Variants in OR9Q1 observed in about 807,000 individuals in gnomAD.
OR9Q1 encodes olfactory receptor 9Q1.
For missense variants in OR9Q1, 374 were observed against 378.8 expected, an observed-to-expected ratio of 0.99 and a Z score of 0.11; for synonymous variants, 153 against 148.6, an observed-to-expected ratio of 1.03 and a Z score of -0.22.
intron 2 of OR9Q1, among the ~76,000 whole-genome samples, chr11:58,127,501 G>T (rs976980787): frequency 2.0e-5 from 3 of 152,158 alleles, no homozygotes; most frequent in African/African-American, 7.2e-5. Context: ...GCCTAGTTCT[G>T]CCTCCAGACA....
At chr11:58,175,752 A>C (rs1854600962) in intron 2 of OR9Q1, among the ~76,000 whole-genome samples, 1 of 149,636 alleles carries the variant, frequency 6.7e-6, no homozygotes, top group Non-Finnish European at 1.5e-5. Context: ...ACATGGTTCC[A>C]TTTTCTCTTG....
intron 2 of OR9Q1, chr11:58,109,553 C>T (rs1161530182): frequency 4.4e-6 from 2 of 457,730 alleles, no homozygotes; most frequent in East Asian, 7.0e-5. Context: ...AGAAAAGTGA[C>T]AAGATAGAAA....
intron 2 of OR9Q1, among the ~76,000 whole-genome samples, chr11:58,166,017 C>T (rs193280793): frequency 8.5e-5 from 13 of 152,304 alleles, no homozygotes; most frequent in South Asian, 6.2e-4. Flanking sequence ...GAGGCAGAGA[C>T]GGTGGGTCAC....
chr11:58,123,123 T>C (rs531388688), intron 2 of OR9Q1, among the ~76,000 whole-genome samples: 2 of 152,332 alleles, frequency 1.3e-5, no homozygotes, highest in South Asian at 4.1e-4. Context: ...ATGAGGAATT[T>C]AAATCTTTGG....
At chr11:58,152,876 G>A (rs1854367733) in intron 2 of OR9Q1, among the ~76,000 whole-genome samples, 1 of 151,776 alleles carries the variant, frequency 6.6e-6, no homozygotes, top group Admixed American at 6.6e-5. Flanking sequence ...TATTTTGCAC[G>A]CATGACAGTG....
chr11:58,101,939 T>C (rs1853787769), intron 2 of OR9Q1, among the ~76,000 whole-genome samples: 1 of 151,996 alleles, frequency 6.6e-6, no homozygotes, highest in Non-Finnish European at 1.5e-5. Flanking sequence ...ACAGACGGGG[T>C]TTCTTCATGT....
chr11:58,130,906 CAT>C (rs1330283174), intron 2 of OR9Q1, among the ~76,000 whole-genome samples: 1 of 151,732 alleles, frequency 6.6e-6, no homozygotes, highest in African/African-American at 2.4e-5. Context: ...TATAATAGGA[CAT>C]AATTATTAAT....
At chr11:58,033,149 TGTTG>T (rs2119918180) in intron 1 of OR9Q1, among the ~76,000 whole-genome samples, 1 of 152,350 alleles carries the variant, frequency 6.6e-6, no homozygotes, top group African/African-American at 2.4e-5. Context: ...GCTTATGCAC[TGTTG>T]GTGAGAGTGC....
chr11:58,073,535 C>T (rs1373251569), intron 2 of OR9Q1: 1 of 153,056 alleles, frequency 6.5e-6, no homozygotes, highest in Non-Finnish European at 1.5e-5. Flanking sequence ...CTTGCAATAC[C>T]TTCAGAAAGA....
At chr11:58,114,410 T>G (rs562674613) in intron 2 of OR9Q1, among the ~76,000 whole-genome samples, 6 of 152,270 alleles carry the variant, frequency 3.9e-5, no homozygotes, top group African/African-American at 1.4e-4. Context: ...CTCCCCTTAG[T>G]GGGGGTTGTG....
chr11:58,072,486 C>T, intron 2 of OR9Q1: 1 of 166,160 alleles, frequency 6.0e-6, no homozygotes, highest in Non-Finnish European at 1.4e-5. Context: ...GATCACTTAG[C>T]AGATGTGAAT....
intron 1 of OR9Q1, among the ~76,000 whole-genome samples, chr11:58,034,731 T>TTTCTTTCCTTCCTTCC (rs1853079165): frequency 6.4e-5 from 2 of 31,358 alleles, no homozygotes; most frequent in Admixed American, 8.2e-4. Flanking sequence ...TTAAGGTTTC[T>TTTCTTTCCTTCCTTCC]TTCTTTCCTT....
chr11:58,139,437 C>T (rs1854222135), intron 2 of OR9Q1, among the ~76,000 whole-genome samples: 2 of 152,000 alleles, frequency 1.3e-5, no homozygotes, highest in South Asian at 4.2e-4. Flanking sequence ...TCCCCGCTCC[C>T]CCCACCCCAC....
chr11:58,034,159 C>T (rs951433032), intron 1 of OR9Q1, among the ~76,000 whole-genome samples: 2 of 146,472 alleles, frequency 1.4e-5, no homozygotes, highest in Non-Finnish European at 3.0e-5. Context: ...GATCTCGGCT[C>T]ACTGCAAGCT....
intron 1 of OR9Q1, among the ~76,000 whole-genome samples, chr11:58,025,123 T>C (rs1049362231): frequency 6.6e-6 from 1 of 152,180 alleles, no homozygotes; most frequent in Admixed American, 6.5e-5. Flanking sequence ...TTGTGGGGAT[T>C]AAGCCAGATG....
chr11:58,069,126 G>A (rs1853462038), intron 2 of OR9Q1, among the ~76,000 whole-genome samples: 1 of 152,070 alleles, frequency 6.6e-6, no homozygotes, highest in Non-Finnish European at 1.5e-5. Context: ...CTTTGTGACT[G>A]TTACTCAAGT....
intron 2 of OR9Q1, among the ~76,000 whole-genome samples, chr11:58,147,606 T>C (rs547738498): frequency 6.6e-5 from 10 of 152,296 alleles, no homozygotes; most frequent in Admixed American, 2.0e-4. Context: ...TGATCTTTGA[T>C]ACATCCCCAG....
At chr11:58,048,137 T>A (rs573038419) in intron 1 of OR9Q1, among the ~76,000 whole-genome samples, 2 of 152,218 alleles carry the variant, frequency 1.3e-5, no homozygotes, top group Admixed American at 1.3e-4. Flanking sequence ...CCTATCCAGT[T>A]TTTTACAATC....
intron 2 of OR9Q1, among the ~76,000 whole-genome samples, chr11:58,083,799 T>C (rs1853611109): frequency 6.6e-6 from 1 of 151,932 alleles, no homozygotes; most frequent in South Asian, 2.1e-4. Flanking sequence ...GGGTTCACTA[T>C]TCTGTTCCAC....
Sources: allele counts gnomAD v4.1 joint callset (sites outside exome capture counted in the v4.1 genomes callset), GRCh38; gene constraint gnomAD v4.1.1; transcripts MANE v1.5; gene names NCBI Gene and HGNC (gene_info 2026-07-23, HGNC 2026-07-21).